The following MRPS6 variants were observed in gnomAD, a reference collection of about 807,000 sequenced individuals.
MRPS6 encodes mitochondrial ribosomal protein S6.
A neutral mutation model predicts 13.1 loss-of-function variants in MRPS6; 6 were observed. The ratio of observed to expected loss-of-function variants is 0.46; its 90% confidence interval spans 0.25 to 0.91. The LOEUF (loss-of-function observed/expected upper bound fraction) is 0.91. MRPS6 is among the 40% of genes least tolerant of loss of function. The pLI, the probability that MRPS6 is intolerant of heterozygous loss-of-function variation, is 0.18. For missense variants in MRPS6, 164 were observed against 155.6 expected, an observed-to-expected ratio of 1.05 and a Z score of -0.29; for synonymous variants, 61 against 56.5, an observed-to-expected ratio of 1.08 and a Z score of -0.36.
intron 1 of MRPS6, chr21:34,105,892 A>T (rs1979454519): frequency 1.0e-6 from 1 of 986,848 alleles, no homozygotes. Context: ...TGTTAAAATC[A>T]TGACAATTCT....
chr21:34,100,682 T>G (rs1015626660), intron 1 of MRPS6: 12 of 1,000,250 alleles, frequency 1.2e-5, no homozygotes, highest in Non-Finnish European at 1.4e-5. Flanking sequence ...GGGGTTGTTA[T>G]GCACTTCTGT....
At chr21:34,105,398 T>G in intron 1 of MRPS6, 1 of 999,364 alleles carries the variant, frequency 1.0e-6, no homozygotes, top group Non-Finnish European at 1.2e-6. Context: ...CTTTTTCTAA[T>G]AATATCCTGT....
At chr21:34,094,852 C>T in intron 1 of MRPS6, 1 of 203,666 alleles carries the variant, frequency 4.9e-6, no homozygotes, top group Non-Finnish European at 9.7e-6. Flanking sequence ...TTTGTCTCTG[C>T]TGCCTTGCAG....
At chr21:34,074,513 C>T (rs1035133044) in intron 1 of MRPS6, among the ~76,000 whole-genome samples, 4 of 152,216 alleles carry the variant, frequency 2.6e-5, no homozygotes, top group Non-Finnish European at 5.9e-5. Context: ...GCTAAGCGAA[C>T]CAGCGGCCCC....
intron 1 of MRPS6, among the ~76,000 whole-genome samples, chr21:34,086,367 A>G (rs1197056208): frequency 6.6e-6 from 1 of 152,180 alleles, no homozygotes; most frequent in Admixed American, 6.5e-5. Flanking sequence ...GTCCCCCAGC[A>G]GCCTTTCTCC....
At chr21:34,089,319 G>T (rs1159975504) in intron 1 of MRPS6, among the ~76,000 whole-genome samples, 3 of 151,844 alleles carry the variant, frequency 2.0e-5, no homozygotes, top group Non-Finnish European at 4.4e-5. Context: ...CGCCCAGCCT[G>T]TTATTTCATG....
At chr21:34,099,015 T>C in intron 1 of MRPS6, 2 of 991,002 alleles carry the variant, frequency 2.0e-6, no homozygotes, top group Non-Finnish European at 2.4e-6. Context: ...TTTTGTAGTC[T>C]ATAAACTAGT....
At chr21:34,095,107 G>A in intron 1 of MRPS6, 4 of 1,513,868 alleles carry the variant, frequency 2.6e-6, no homozygotes, top group South Asian at 1.3e-5. Context: ...TCCAGTTCAC[G>A]TATGGTTTAC....
At chr21:34,100,876 A>C (rs781109866) in intron 1 of MRPS6, 1 of 999,996 alleles carries the variant, frequency 1.0e-6, no homozygotes, top group Admixed American at 6.2e-5. Context: ...CTTATTAGCT[A>C]CTCAGTTACT....
intron 1 of MRPS6, among the ~76,000 whole-genome samples, chr21:34,080,190 T>C (rs560973372): frequency 6.6e-6 from 1 of 152,346 alleles, no homozygotes; most frequent in African/African-American, 2.4e-5. Flanking sequence ...GGTGCACTTA[T>C]AACAAGGAAA....
intron 1 of MRPS6, among the ~76,000 whole-genome samples, chr21:34,086,693 G>A (rs757001577): frequency 1.3e-5 from 2 of 152,156 alleles, no homozygotes; most frequent in Admixed American, 1.3e-4. Flanking sequence ...GCCTCTTGGG[G>A]TTTTTGTTAG....
chr21:34,099,293 G>A (rs1979122405), intron 1 of MRPS6: 25 of 1,000,098 alleles, frequency 2.5e-5, no homozygotes, highest in Non-Finnish European at 2.9e-5. Context: ...CATGTCCAAG[G>A]TTATGAAGTC....
intron 1 of MRPS6, among the ~76,000 whole-genome samples, chr21:34,108,019 C>T (rs553112891): frequency 6.6e-6 from 1 of 152,234 alleles, no homozygotes; most frequent in African/African-American, 2.4e-5. Flanking sequence ...TTTCAGTGAA[C>T]AATGGACGAC....
chr21:34,100,798 C>T (rs1403153668), intron 1 of MRPS6: 1 of 1,000,240 alleles, frequency 1.0e-6, no homozygotes, highest in Admixed American at 6.1e-5. Context: ...GGATCTTCCC[C>T]TCTGACTTTG....
intron 1 of MRPS6, among the ~76,000 whole-genome samples, chr21:34,112,947 A>G (rs1216650010): frequency 6.6e-6 from 1 of 152,128 alleles, no homozygotes; most frequent in Non-Finnish European, 1.5e-5. Context: ...GCTTGACGTC[A>G]GGAGTTTGAG....
chr21:34,142,769 G>C lies in MRPS6; in HGVS notation c.*169G>C. On this transcript the variant is annotated 3_prime_UTR_variant, in exon 3 of 3. Coordinates refer to ENST00000399312, the MANE Select transcript of MRPS6 (RefSeq NM_032476.4). ...GATCCCCTTTGCTTGCGAGAGGTGG[G>C]GAACTGCTCACTGACAGCTTCTCTG... 1 of 672,288 alleles carries C rather than the reference G, an allele frequency of 1.5e-6. No homozygotes were observed. Among genetic ancestry groups the C allele is most frequent in the Non-Finnish European group, 2.2e-6 (1 of 446,482 alleles). 41.6% of individuals were successfully genotyped at this position (672,288 alleles called of 1,614,324 possible).
At chr21:34,098,146 C>A in intron 1 of MRPS6, 3 of 999,950 alleles carry the variant, frequency 3.0e-6, no homozygotes, top group Non-Finnish European at 2.4e-6. Flanking sequence ...ATTTATTGAT[C>A]ATATTAAGGT....
Position 34,142,687 on chromosome 21 carries a change from T to G in MRPS6, c.*87T>G, listed in dbSNP as rs1374615546. 1 of 1,416,280 alleles carries G rather than the reference T, an allele frequency of 7.1e-7. No homozygotes were observed. Among genetic ancestry groups the G allele is most frequent in the Non-Finnish European group, 9.2e-7 (1 of 1,081,388 alleles). The allele number at this position is 1,416,280 out of a possible 1,614,324, so 87.7% of individuals were successfully genotyped here. A position where few individuals can be genotyped will look rare whatever the true frequency, so the allele number is the denominator to read the frequency against. ...AAGGAAGAATTTGCAAGTTTGGCCT[T>G]TATATAAGCATGTGTTGCAGGTGCT... On this transcript the variant is annotated 3_prime_UTR_variant, in exon 3 of 3. Coordinates refer to ENST00000399312, the MANE Select transcript of MRPS6 (RefSeq NM_032476.4).
intron 2 of MRPS6, among the ~76,000 whole-genome samples, chr21:34,139,024 A>G (rs995144549): frequency 9.9e-5 from 15 of 152,008 alleles, no homozygotes; most frequent in Admixed American, 5.2e-4. Context: ...TGATGAGTTC[A>G]TGTCCTTTGT....
Sources: gnomAD v4.1 joint callset for allele counts (sites outside exome capture counted in the v4.1 genomes callset) on GRCh38, gnomAD v4.1.1 for gene constraint, MANE v1.5 for transcripts, NCBI Gene and HGNC (gene_info 2026-07-23, HGNC 2026-07-21) for gene names.